Variants in CAMK1D observed in about 807,000 individuals in gnomAD.
CAMK1D encodes calcium/calmodulin dependent protein kinase ID.
A neutral mutation model predicts 47.7 loss-of-function variants in CAMK1D; 9 were observed. That is an observed-to-expected ratio of 0.19 (90% confidence interval 0.11 to 0.33). The LOEUF (loss-of-function observed/expected upper bound fraction) is 0.33, where lower values mean the gene tolerates loss of function less well. CAMK1D is among the 10% of genes least tolerant of loss of function. The probability of loss-of-function intolerance (pLI) is 1.00; values close to 1 mark genes in which losing one functional copy is unlikely to be tolerated. For missense variants in CAMK1D, 291 were observed against 488.7 expected, an observed-to-expected ratio of 0.60 and a Z score of 3.81; for synonymous variants, 184 against 184.9, an observed-to-expected ratio of 0.99 and a Z score of 0.04.
At chr10:12,687,502 A>G (rs1311222832) in intron 3 of CAMK1D, among the ~76,000 whole-genome samples, 1 of 152,180 alleles carries the variant, frequency 6.6e-6, no homozygotes. Context: ...TGTAATGTGA[A>G]GTGGCTGATG....
chr10:12,522,776 G>A (rs1271656136), intron 1 of CAMK1D, among the ~76,000 whole-genome samples: 3 of 149,640 alleles, frequency 2.0e-5, no homozygotes, highest in East Asian at 2.0e-4. Flanking sequence ...AGGGGCGGCC[G>A]GGCAGAGGCG....
chr10:12,538,850 A>G (rs540749335), intron 1 of CAMK1D, among the ~76,000 whole-genome samples: 6 of 150,480 alleles, frequency 4.0e-5, no homozygotes, highest in Non-Finnish European at 7.4e-5. Context: ...GGGGCAGTGG[A>G]ACTCATGTCC....
At chr10:12,455,633 A>T (rs1564350465) in intron 1 of CAMK1D, among the ~76,000 whole-genome samples, 1 of 152,170 alleles carries the variant, frequency 6.6e-6, no homozygotes, top group African/African-American at 2.4e-5. Flanking sequence ...CCATCATATA[A>T]AGTTTAGGTT....
intron 2 of CAMK1D, among the ~76,000 whole-genome samples, chr10:12,623,141 CTCCCTTCCTTCCTCCCTCCT>C (rs1839060616): frequency 5.3e-5 from 1 of 18,908 alleles, no homozygotes; most frequent in African/African-American, 1.8e-4. Context: ...CCCTCCCTTC[CTCCCTTCCTTCCTCCCTCCT>C]TTCTTTCCTT....
Position 12,834,561 on chromosome 10 carries a change from C to CTA in CAMK1D, c.*5677_*5678dup, listed in dbSNP as rs1298761467. The CTA allele has an allele frequency of 6.6e-6, 1 of 152,132 alleles. No homozygotes were observed. Among genetic ancestry groups the CTA allele is most frequent in the Non-Finnish European group, 1.5e-5 (1 of 68,028 alleles). 9.4% of individuals were successfully genotyped at this position (152,132 alleles called of 1,614,324 possible). ...CAAACGGTTGCATTCACCCTTTGTA[C>CTA]TATAACACCGCTTCTGCATTCGCCA... On this transcript the variant is annotated 3_prime_UTR_variant, in exon 11 of 11. Coordinates refer to ENST00000619168, the MANE Select transcript of CAMK1D (RefSeq NM_153498.4).
intron 1 of CAMK1D, among the ~76,000 whole-genome samples, chr10:12,432,262 A>G (rs1037845322): frequency 1.3e-5 from 2 of 152,178 alleles, no homozygotes; most frequent in Non-Finnish European, 2.9e-5. Context: ...CCTCAGCCCC[A>G]TGAGGCTGTG....
At chr10:12,529,546 T>C (rs1426021129) in intron 1 of CAMK1D, among the ~76,000 whole-genome samples, 2 of 152,210 alleles carry the variant, frequency 1.3e-5, no homozygotes, top group Non-Finnish European at 2.9e-5. Flanking sequence ...GCATGATTTA[T>C]ATCGACCATG....
chr10:12,714,273 G>A (rs1355906970), intron 3 of CAMK1D, among the ~76,000 whole-genome samples: 1 of 151,940 alleles, frequency 6.6e-6, no homozygotes, highest in Non-Finnish European at 1.5e-5. Context: ...CCAGACAACC[G>A]TCTACCTTCA....
chr10:12,422,266 AC>A (rs1045554826), intron 1 of CAMK1D, among the ~76,000 whole-genome samples: 1 of 152,202 alleles, frequency 6.6e-6, no homozygotes, highest in Admixed American at 6.5e-5. Flanking sequence ...TGAGGGGCAA[AC>A]AAGTCTGGTG....
chr10:12,352,780 A>C (rs1234983481), intron 1 of CAMK1D, among the ~76,000 whole-genome samples: 1 of 139,528 alleles, frequency 7.2e-6, no homozygotes, highest in Non-Finnish European at 1.5e-5. Flanking sequence ...TCTGTTGCCC[A>C]GGCTGGAGTG....
intron 2 of CAMK1D, among the ~76,000 whole-genome samples, chr10:12,565,337 C>T (rs1302166334): frequency 6.6e-6 from 1 of 152,158 alleles, no homozygotes; most frequent in African/African-American, 2.4e-5. Context: ...GCAACCTCCG[C>T]CTCCCAGGTT....
At chr10:12,646,809 T>C (rs1299669746) in intron 2 of CAMK1D, among the ~76,000 whole-genome samples, 1 of 152,186 alleles carries the variant, frequency 6.6e-6, no homozygotes, top group African/African-American at 2.4e-5. Flanking sequence ...TCAGTTGTTG[T>C]GTTGCAGTCT....
At chr10:12,550,460 C>T (rs979590718) in intron 1 of CAMK1D, among the ~76,000 whole-genome samples, 3 of 152,144 alleles carry the variant, frequency 2.0e-5, no homozygotes, top group African/African-American at 7.2e-5. Context: ...CCTGTCTCCC[C>T]CTGGCTTAGA....
intron 6 of CAMK1D, among the ~76,000 whole-genome samples, chr10:12,811,344 C>T (rs775288951): frequency 6.6e-6 from 1 of 152,230 alleles, no homozygotes; most frequent in Non-Finnish European, 1.5e-5. Context: ...AAGGTTGTTA[C>T]TTCTGTTAGA....
intron 8 of CAMK1D, among the ~76,000 whole-genome samples, chr10:12,818,670 CA>C (rs36034904): frequency 0.025 from 3,332 of 135,230 alleles, 92 homozygotes; most frequent in African/African-American, 0.071. Context: ...GACTCTGTCC[CA>C]AAAAAAAAAA....
intron 1 of CAMK1D, among the ~76,000 whole-genome samples, chr10:12,433,838 T>G (rs1125791): frequency 0.14 from 20,889 of 152,228 alleles, 1,809 homozygotes; most frequent in Admixed American, 0.26. Flanking sequence ...TGTAAAGGGT[T>G]ATGTTAAGAG....
intron 3 of CAMK1D, among the ~76,000 whole-genome samples, chr10:12,679,134 G>A (rs1840908436): frequency 6.6e-6 from 1 of 152,178 alleles, no homozygotes; most frequent in African/African-American, 2.4e-5. Flanking sequence ...CAATATGAGT[G>A]ACAGTCAACA....
At chr10:12,693,516 G>A (rs948440950) in intron 3 of CAMK1D, among the ~76,000 whole-genome samples, 2 of 151,830 alleles carry the variant, frequency 1.3e-5, no homozygotes, top group African/African-American at 4.8e-5. Flanking sequence ...GACATGGTGA[G>A]GGGGCCCTCA....
intron 1 of CAMK1D, among the ~76,000 whole-genome samples, chr10:12,440,365 G>T (rs533345348): frequency 1.3e-5 from 2 of 150,724 alleles, no homozygotes; most frequent in Non-Finnish European, 2.9e-5. Context: ...GCTCACTACA[G>T]CCTCCGCCTT....
Sources: allele counts gnomAD v4.1 joint callset (sites outside exome capture counted in the v4.1 genomes callset), GRCh38; gene constraint gnomAD v4.1.1; transcripts MANE v1.5; gene names NCBI Gene and HGNC (gene_info 2026-07-23, HGNC 2026-07-21).